The following RALYL variants were observed in gnomAD, a reference collection of about 807,000 sequenced individuals.
The protein encoded by RALYL is RALY RNA binding protein like, also known as RNA-binding Raly-like protein.
Under a neutral mutation model 35.1 loss-of-function variants are expected in RALYL, and 29 were observed. That is an observed-to-expected ratio of 0.83 (90% confidence interval 0.61 to 1.13). The LOEUF (loss-of-function observed/expected upper bound fraction) is 1.13, where lower values mean the gene tolerates loss of function less well. RALYL is among the 50% of genes most tolerant of loss of function. The probability of loss-of-function intolerance (pLI) is 0.00; values close to 1 mark genes in which losing one functional copy is unlikely to be tolerated. For synonymous variants in RALYL, 120 were observed against 127.6 expected (o/e 0.94, Z 0.40); for missense variants, 359 against 360.4 (o/e 1.00, Z 0.03).
At chr8:84,231,571 G>A (rs373228030) in intron 1 of RALYL, among the ~76,000 whole-genome samples, 16 of 152,216 alleles carry the variant, frequency 1.1e-4, no homozygotes, top group African/African-American at 3.6e-4. Flanking sequence ...CATGACTCCC[G>A]GTGAGGGCTG....
intron 1 of RALYL, among the ~76,000 whole-genome samples, chr8:84,457,580 A>T (rs911910778): frequency 1.3e-5 from 2 of 151,922 alleles, no homozygotes; most frequent in African/African-American, 4.8e-5. Flanking sequence ...GTTCTGTATG[A>T]CATCATTGTA....
chr8:84,490,579 G>C (rs1482483752), intron 1 of RALYL, among the ~76,000 whole-genome samples: 1 of 151,838 alleles, frequency 6.6e-6, no homozygotes, highest in Non-Finnish European at 1.5e-5. Context: ...GTCTGTGGAA[G>C]GAAAGAAGGA....
chr8:84,867,592 T>G (rs576450906), intron 6 of RALYL, among the ~76,000 whole-genome samples: 1 of 152,298 alleles, frequency 6.6e-6, no homozygotes, highest in East Asian at 1.9e-4. Flanking sequence ...CTAAAAGAAA[T>G]CAGTATGACG....
intron 2 of RALYL, among the ~76,000 whole-genome samples, chr8:84,729,729 A>G (rs1260662787): frequency 1.3e-5 from 2 of 151,998 alleles, no homozygotes; most frequent in African/African-American, 4.8e-5. Flanking sequence ...AGAAATACAA[A>G]CTACCATCAG....
At chr8:84,237,892 T>C (rs1826937031) in intron 1 of RALYL, among the ~76,000 whole-genome samples, 1 of 151,146 alleles carries the variant, frequency 6.6e-6, no homozygotes, top group African/African-American at 2.4e-5. Context: ...AATCAGGAAA[T>C]TGAAGAGAAA....
chr8:84,482,684 T>C (rs1489711470), intron 1 of RALYL, among the ~76,000 whole-genome samples: 2 of 152,050 alleles, frequency 1.3e-5, no homozygotes, highest in Non-Finnish European at 2.9e-5. Context: ...ACAATACTTG[T>C]TTTTACTTTT....
At chr8:84,681,966 G>A (rs569978012) in intron 2 of RALYL, among the ~76,000 whole-genome samples, 2 of 152,258 alleles carry the variant, frequency 1.3e-5, no homozygotes, top group African/African-American at 4.8e-5. Context: ...GTATGATATT[G>A]GCTGTGGGTT....
At chr8:84,826,330 G>A (rs567792096) in intron 4 of RALYL, among the ~76,000 whole-genome samples, 4 of 147,328 alleles carry the variant, frequency 2.7e-5, no homozygotes, top group Non-Finnish European at 3.0e-5. Flanking sequence ...TGCCTTCAAC[G>A]AGGAGCTTTC....
At chr8:84,688,130 C>A (rs1365636722) in intron 2 of RALYL, among the ~76,000 whole-genome samples, 1 of 147,406 alleles carries the variant, frequency 6.8e-6, no homozygotes, top group Non-Finnish European at 1.5e-5. Flanking sequence ...TTTTTTTTTT[C>A]TTTAGCTTAG....
intron 1 of RALYL, among the ~76,000 whole-genome samples, chr8:84,503,480 T>C (rs930914086): frequency 6.6e-6 from 1 of 151,984 alleles, no homozygotes. Context: ...TTCAATAGAA[T>C]AAATAATATT....
intron 5 of RALYL, among the ~76,000 whole-genome samples, chr8:84,851,341 G>A (rs1244932215): frequency 6.6e-6 from 1 of 152,086 alleles, no homozygotes; most frequent in Non-Finnish European, 1.5e-5. Flanking sequence ...GCAAAGTTTG[G>A]ACTTTATTAA....
chr8:84,806,565 CAAA>C (rs534568702), intron 4 of RALYL, among the ~76,000 whole-genome samples: 1 of 95,726 alleles, frequency 1.0e-5, no homozygotes. Context: ...AAAATCTCTC[CAAA>C]AAAAAAAAAA....
In RALYL at chr8:84,700,902, A is replaced by G. The variant is rs1235604653; in HGVS notation, c.257-73677A>G. Among the ~76,000 whole-genome samples, 4 of 152,288 alleles carry G rather than the reference A, an allele frequency of 2.6e-5. No individual in the cohort carries two copies. In the East Asian group the frequency reaches 7.7e-4, roughly 29 times the overall value. ...GTTGGTGATTGTGCTGGGGTTGAAA[A>G]TTATTTGGTTGTTATCCTTGAAAAA... On this transcript the variant is annotated intron_variant, in intron 2 of 8. Coordinates refer to ENST00000521268, the MANE Select transcript of RALYL (RefSeq NM_173848.7).
At chr8:84,461,002 G>A (rs1382517173) in intron 1 of RALYL, among the ~76,000 whole-genome samples, 3 of 151,536 alleles carry the variant, frequency 2.0e-5, no homozygotes, top group African/African-American at 7.3e-5. Flanking sequence ...GTTTGCTAAA[G>A]GTGGTAGGAT....
At chr8:84,324,580 A>G (rs1434440184) in intron 1 of RALYL, among the ~76,000 whole-genome samples, 1 of 151,562 alleles carries the variant, frequency 6.6e-6, no homozygotes, top group African/African-American at 2.4e-5. Flanking sequence ...ATATTTTTTC[A>G]GTAAATAGTT....
intron 2 of RALYL, among the ~76,000 whole-genome samples, chr8:84,582,783 C>G (rs1811123903): frequency 1.3e-5 from 2 of 151,844 alleles, no homozygotes; most frequent in Admixed American, 6.6e-5. Flanking sequence ...ATGATTTGCT[C>G]TATAATTGTT....
chr8:84,403,352 G>C (rs538634631), intron 1 of RALYL, among the ~76,000 whole-genome samples: 93 of 151,996 alleles, frequency 6.1e-4, no homozygotes, highest in Non-Finnish European at 1.2e-3. Context: ...GTAAGGAAAG[G>C]GTCCAGTTTC....
intron 1 of RALYL, among the ~76,000 whole-genome samples, chr8:84,428,721 C>T (rs2046815295): frequency 6.6e-6 from 1 of 152,084 alleles, no homozygotes; most frequent in Non-Finnish European, 1.5e-5. Context: ...GTGTAATTTG[C>T]AGATAAAGGA....
intron 1 of RALYL, among the ~76,000 whole-genome samples, chr8:84,269,413 G>A (rs549850222): frequency 6.6e-6 from 1 of 152,194 alleles, no homozygotes; most frequent in South Asian, 2.1e-4. Context: ...ATGAATCAGA[G>A]GTAGAATTTT....
Sources: allele counts gnomAD v4.1 joint callset (sites outside exome capture counted in the v4.1 genomes callset), GRCh38; gene constraint gnomAD v4.1.1; transcripts MANE v1.5; gene names NCBI Gene and HGNC (gene_info 2026-07-23, HGNC 2026-07-21).